MYO15A: variants seen among roughly 807,000 people sequenced by gnomAD.
The protein encoded by MYO15A is myosin XVA.
Under a neutral mutation model 394.6 loss-of-function variants are expected in MYO15A, and 308 were observed. The observed-to-expected ratio is 0.78, with a 90% CI of 0.71 to 0.86. The LOEUF is 0.86. Ranked by LOEUF, MYO15A falls within the 40% of genes least tolerant of loss-of-function variation. MYO15A has a pLI of 0.00. For synonymous variants in MYO15A, 1,957 were observed against 2,003.8 expected, an observed-to-expected ratio of 0.98 and a Z score of 0.62; for missense variants, 4,606 against 4,799.1, an observed-to-expected ratio of 0.96 and a Z score of 1.19.
At chr17:18,129,526 C>T (rs1216504871) in intron 7 of MYO15A, among the ~76,000 whole-genome samples, 1 of 152,190 alleles carries the variant, frequency 6.6e-6, no homozygotes, top group Non-Finnish European at 1.5e-5. Flanking sequence ...GCCCCATCCC[C>T]AAAATTACAG....
At chr17:18,131,161 TC>T in intron 8 of MYO15A, 77 bp from the exon 9 acceptor site, 1 of 1,301,334 alleles carries the variant, frequency 7.7e-7, no homozygotes, top group Non-Finnish European at 1.1e-6. Context: ...TGTCTGGGTG[TC>T]CCCAGCTATG....
At chr17:18,176,312 A>AG (rs1354051370) in intron 65 of MYO15A, among the ~76,000 whole-genome samples, 2 of 152,064 alleles carry the variant, frequency 1.3e-5, no homozygotes, top group Non-Finnish European at 2.9e-5. Flanking sequence ...CTTTTACTCA[A>AG]GGCAGGAGGC....
At chr17:18,113,739 CAAAA>C (rs72282387) in intron 1 of MYO15A, among the ~76,000 whole-genome samples, 5 of 119,414 alleles carry the variant, frequency 4.2e-5, no homozygotes, top group Admixed American at 1.7e-4. Context: ...GAGACTGTCT[CAAAA>C]AAAAAAAAAA....
chr17:18,140,035 C>T lies in MYO15A; in HGVS notation c.5211+424C>T, dbSNP rs373080727. 3.9e-5 allele frequency among the ~76,000 whole-genome samples: 6 copies of T among 152,234 alleles called. No homozygotes were observed. In the East Asian group the frequency reaches 9.6e-4, roughly 24 times the overall value. ...TTCTCCCACCCCACCCATAAGGCCCCGGGGAAGAGCTTGGGGGACCAACTT... is the reference window on the plus strand; with the variant it reads ...TTCTCCCACCCCACCCATAAGGCCCTGGGGAAGAGCTTGGGGGACCAACTT... On this transcript the variant is annotated intron_variant, in intron 19 of 65. Transcript: ENST00000647165.
chr17:18,125,413 A>G (rs1409077441), intron 4 of MYO15A, 182 bp downstream of exon 4: 7 of 653,792 alleles, frequency 1.1e-5, no homozygotes, highest in Admixed American at 2.3e-5. Context: ...TGGATGCCAG[A>G]GGCCGGGCAC....
At position 18,139,517 on chromosome 17, in the gene MYO15A, A is replaced by G. The variant is rs376058570; in HGVS notation, c.5134-17A>G. The stretch of plus-strand genomic sequence containing the variant: ...GACAGAGGCCAGGATTACCCAGGCC[A>G]TTGTTCCCCTTTTCAGGTGCACAAG... On this transcript the variant is annotated splice_polypyrimidine_tract_variant and intron_variant, in intron 18 of 65. Transcript: ENST00000647165. 7 of 1,613,022 alleles carry G rather than the reference A, an allele frequency of 4.3e-6. No homozygotes were observed. The African/African-American group carries it at 8.0e-5, about 18-fold the overall frequency.
chr17:18,120,824 C>CA lies in MYO15A; in HGVS notation c.2024_2025insA (p.Pro676AlafsTer304). ...CCGCGGCCCCCAAGCTCCGGGCCCC[C>CA]GCCCGCGCCGCCGCTCTCCCCGGCG... is the stretch of plus-strand genomic sequence containing the variant. On this transcript the variant is annotated frameshift_variant, in exon 2 of 66. Transcript: ENST00000647165. LOFTEE classifies it high-confidence loss of function. 1 of 1,174,380 alleles carries CA rather than the reference C, an allele frequency of 8.5e-7. No individual in the cohort carries two copies. The highest frequency in any genetic ancestry group is 1.1e-6 in the Non-Finnish European group (1 of 951,200). 72.7% of individuals were successfully genotyped at this position (1,174,380 alleles called of 1,614,324 possible). A position where few individuals can be genotyped will look rare whatever the true frequency, so the allele number is the denominator to read the frequency against.
At chr17:18,155,672 C>T (rs151039838) in intron 47 of MYO15A, among the ~76,000 whole-genome samples, 1 of 152,212 alleles carries the variant, frequency 6.6e-6, no homozygotes, top group African/African-American at 2.4e-5. Context: ...GCCCTCCCCC[C>T]AACCTGCACA....
chr17:18,133,323 C>T lies in MYO15A; in HGVS notation c.4419C>T (p.Asp1473=), dbSNP rs1250391532. 1 of 1,614,062 alleles carries T rather than the reference C, an allele frequency of 6.2e-7. No homozygotes were observed. Among genetic ancestry groups the T allele is most frequent in the Non-Finnish European group, 8.5e-7 (1 of 1,180,032 alleles). ...TGGGCTTCAGCAGTGAGGACCAGGA[C>T]AGCATCTTCCGCATCCTGGCCTCCA... ...EVLGFSSEDQ[D]SIFRILASIL... Residue 1473 remains aspartate, a synonymous_variant, in exon 12 of 66, where the codon GAC becomes GAT. Coordinates refer to ENST00000647165, the MANE Select transcript of MYO15A (RefSeq NM_016239.4).
At position 18,133,328 on chromosome 17, in the gene MYO15A, T is replaced by C. The variant is rs201808265; in HGVS notation, c.4424T>C (p.Ile1475Thr). The change falls in exon 12 of 66, where the codon ATC (isoleucine) becomes ACC (threonine). Residue 1475 changes from isoleucine to threonine, a missense_variant. Coordinates refer to ENST00000647165, the MANE Select transcript of MYO15A (RefSeq NM_016239.4). ...LGFSSEDQDSIFRILASILHL... is the reference protein window; with the variant it reads ...LGFSSEDQDSTFRILASILHL... Reference sequence around the variant, plus strand: ...TTCAGCAGTGAGGACCAGGACAGCATCTTCCGCATCCTGGCCTCCATCCTG... The same window carrying C: ...TTCAGCAGTGAGGACCAGGACAGCACCTTCCGCATCCTGGCCTCCATCCTG... The C allele has an allele frequency of 1.9e-4, 303 of 1,614,194 alleles. No homozygotes were observed. Among genetic ancestry groups the C allele is most frequent in the Middle Eastern group, 9.9e-4 (6 of 6,062 alleles).
intron 47 of MYO15A, 101 bp downstream of exon 47, chr17:18,155,533 C>A (rs998425583): frequency 5.0e-5 from 56 of 1,122,584 alleles, no homozygotes; most frequent in Non-Finnish European, 7.2e-5. Flanking sequence ...ACCCATGATG[C>A]GCCAGGCTCT....
Position 18,148,366 on chromosome 17 carries a change from G to A in MYO15A, c.6692-130G>A, listed in dbSNP as rs1597800503. 9.6e-5 allele frequency: 140 copies of A among 1,456,136 alleles called. 1 individual carries two copies. In the East Asian group the frequency reaches 3.4e-3, roughly 36 times the overall value. The allele number at this position is 1,456,136 out of a possible 1,614,324, so 90.2% of individuals were successfully genotyped here. A position where few individuals can be genotyped will look rare whatever the true frequency, so the allele number is the denominator to read the frequency against. On this transcript the variant is annotated intron_variant, in intron 31 of 65. Coordinates refer to ENST00000647165, the MANE Select transcript of MYO15A (RefSeq NM_016239.4). This position sits in a 1 kb window ranked among gnomAD's most constrained non-coding sequence, Gnocchi z 4.8. Reference sequence around the variant, plus strand: ...AGTCTGTGTGTGGGGGTGGGACCTGGCCCAGGAAAGGGGAGCCAGGGAAGT... The same window carrying A: ...AGTCTGTGTGTGGGGGTGGGACCTGACCCAGGAAAGGGGAGCCAGGGAAGT...
chr17:18,154,473 G>A (rs1386370744), intron 44 of MYO15A, among the ~76,000 whole-genome samples: 1 of 152,184 alleles, frequency 6.6e-6, no homozygotes, highest in Non-Finnish European at 1.5e-5. Context: ...CGGTGGCCTA[G>A]GAAGGGTGGC....
chr17:18,139,264 C>A, intron 18 of MYO15A: 1 of 607,306 alleles, frequency 1.6e-6, no homozygotes, highest in Non-Finnish European at 3.0e-6. Context: ...CTGGAGGTGT[C>A]TCAGGCTAGG....
intron 65 of MYO15A, among the ~76,000 whole-genome samples, chr17:18,175,785 A>G (rs1238324563): frequency 6.6e-6 from 1 of 151,982 alleles, no homozygotes; most frequent in Non-Finnish European, 1.5e-5. Flanking sequence ...TTTCCTCCCG[A>G]TCCTCCCAGG....
chr17:18,145,962 G>A lies in MYO15A; in HGVS notation c.6364G>A (p.Glu2122Lys). 6.2e-7 allele frequency: 1 copy of A among 1,613,804 alleles called. No individual in the cohort carries two copies. Among genetic ancestry groups the A allele is most frequent in the East Asian group, 2.2e-5 (1 of 44,880 alleles). The part of the protein sequence containing the change: ...YIVQKGLAVP[E>K]LRDEILAQLA... ...CGTGCAGAAGGGGCTGGCGGTGCCT[G>A]AGCTGCGGGATGAGATCCTGGCACA... is the stretch of plus-strand genomic sequence containing the variant. Residue 2122 changes from glutamate (E) to lysine (K), a missense_variant, in exon 30 of 66, where the codon GAG (glutamate) becomes AAG (lysine). Physicochemically the swap from Glu to Lys is moderately conservative, Grantham distance 56. Around this residue, in one of 2 missense-constraint regions of MYO15A, gnomAD observed 2,776 missense variants for 3,109.3 expected, o/e 0.89. Transcript: ENST00000647165.
At chr17:18,138,040 T>C in intron 16 of MYO15A, 75 bp from the exon 17 acceptor site, 1 of 1,409,694 alleles carries the variant, frequency 7.1e-7, no homozygotes, top group Non-Finnish European at 9.3e-7. Context: ...CTCCTTCAGA[T>C]TCAACATGGG....
Position 18,172,297 on chromosome 17 carries a change from G to A in MYO15A, c.10350+7G>A. On this transcript the variant is annotated splice_region_variant and intron_variant, in intron 64 of 65. Coordinates refer to ENST00000647165, the MANE Select transcript of MYO15A (RefSeq NM_016239.4). ...TCTCAGCACAGAGACTCATGTGAGT[G>A]GCCTCAGCCTGGCACTGCCATCGCC... 1 of 1,614,160 alleles carries A rather than the reference G, an allele frequency of 6.2e-7. No homozygotes were observed.
At chr17:18,155,001 G>A in intron 45 of MYO15A, 109 bp from the exon 46 acceptor site, 1 of 1,101,632 alleles carries the variant, frequency 9.1e-7, no homozygotes, top group Middle Eastern at 2.2e-4. Flanking sequence ...ATAGACACTG[G>A]TCAGATACCT....
Sources: allele counts gnomAD v4.1 joint callset (sites outside exome capture counted in the v4.1 genomes callset), GRCh38; gene constraint gnomAD v4.1.1; regional missense constraint gnomAD v4.1.1; non-coding constraint Gnocchi (gnomAD v3.1); transcripts MANE v1.5; gene names NCBI Gene and HGNC (gene_info 2026-07-23, HGNC 2026-07-21).